ITGA9: variants seen among roughly 807,000 people sequenced by gnomAD.
ITGA9 encodes integrin subunit alpha 9.
A neutral mutation model predicts 127.8 loss-of-function variants in ITGA9; 56 were observed. The ratio of observed to expected loss-of-function variants is 0.44; its 90% CI spans 0.35 to 0.55. The LOEUF (loss-of-function observed/expected upper bound fraction) is 0.55, where lower values mean the gene tolerates loss of function less well. Among genes scored for constraint, ITGA9 ranks in the 20% least tolerant of loss-of-function variants. ITGA9 has a pLI of 0.00. For missense variants in ITGA9, 1,196 were observed against 1,347.1 expected, an observed-to-expected ratio of 0.89 and a Z score of 1.76; for synonymous variants, 508 against 514.5, an observed-to-expected ratio of 0.99 and a Z score of 0.17.
At chr3:37,687,353 G>C (rs913632910) in intron 18 of ITGA9, among the ~76,000 whole-genome samples, 6 of 152,020 alleles carry the variant, frequency 3.9e-5, no homozygotes, top group African/African-American at 1.5e-4. Context: ...GAGGCTCTGA[G>C]AATTCAGAGA....
At chr3:37,736,690 G>A (rs76052815) in intron 19 of ITGA9, among the ~76,000 whole-genome samples, 2,684 of 152,244 alleles carry the variant, frequency 0.018, 38 homozygotes, top group Non-Finnish European at 0.027. Context: ...CCTCGGTGGC[G>A]GAACAGGAGC....
chr3:37,606,764 C>T (rs995910149), intron 15 of ITGA9, among the ~76,000 whole-genome samples: 1 of 152,092 alleles, frequency 6.6e-6, no homozygotes, highest in African/African-American at 2.4e-5. Context: ...ATGACCACTA[C>T]TCCGAGCATG....
chr3:37,818,446 A>T, intron 27 of ITGA9: 1 of 178,508 alleles, frequency 5.6e-6, no homozygotes, highest in South Asian at 1.2e-4. Flanking sequence ...TATTTTTAGT[A>T]GAGACAGGGT....
At chr3:37,697,508 C>T (rs972831887) in intron 18 of ITGA9, among the ~76,000 whole-genome samples, 1 of 151,934 alleles carries the variant, frequency 6.6e-6, no homozygotes, top group African/African-American at 2.4e-5. Context: ...ACGACAGGCC[C>T]CCATGTGTGA....
At chr3:37,668,231 G>A (rs993376489) in intron 17 of ITGA9, among the ~76,000 whole-genome samples, 4 of 152,170 alleles carry the variant, frequency 2.6e-5, no homozygotes, top group African/African-American at 9.7e-5. Flanking sequence ...AGGCACTGAG[G>A]CAGTAACTGT....
At chr3:37,792,704 A>G (rs778630955) in intron 26 of ITGA9, among the ~76,000 whole-genome samples, 3 of 152,160 alleles carry the variant, frequency 2.0e-5, no homozygotes, top group Non-Finnish European at 4.4e-5. Flanking sequence ...GATCCAGTGT[A>G]TGTTCTTTAA....
intron 18 of ITGA9, among the ~76,000 whole-genome samples, chr3:37,701,776 A>G (rs1333033650): frequency 6.6e-6 from 1 of 152,202 alleles, no homozygotes; most frequent in Non-Finnish European, 1.5e-5. Flanking sequence ...CTGGCTTCTC[A>G]GTGACTCAGC....
intron 23 of ITGA9, among the ~76,000 whole-genome samples, chr3:37,761,083 C>G (rs1184986050): frequency 6.6e-6 from 1 of 152,082 alleles, no homozygotes; most frequent in East Asian, 1.9e-4. Flanking sequence ...CACTTGAGGC[C>G]AGGAGTTCAA....
At chr3:37,694,142 C>G (rs1700860318) in intron 18 of ITGA9, among the ~76,000 whole-genome samples, 1 of 152,220 alleles carries the variant, frequency 6.6e-6, no homozygotes, top group African/African-American at 2.4e-5. Flanking sequence ...TGGCTGGAAG[C>G]CCACTCGAGG....
At chr3:37,521,491 G>A (rs1458498330) in intron 11 of ITGA9, among the ~76,000 whole-genome samples, 13 of 152,212 alleles carry the variant, frequency 8.5e-5, no homozygotes, top group Admixed American at 8.5e-4. Flanking sequence ...CGGCCCCTAT[G>A]ATCCTTCTCT....
intron 13 of ITGA9, among the ~76,000 whole-genome samples, chr3:37,528,773 A>C (rs1699119771): frequency 6.6e-6 from 1 of 152,206 alleles, no homozygotes; most frequent in Non-Finnish European, 1.5e-5. Flanking sequence ...ATTAAGGTAG[A>C]ATTTGCATGC....
At chr3:37,488,515 G>T (rs967956302) in intron 4 of ITGA9, among the ~76,000 whole-genome samples, 2 of 152,056 alleles carry the variant, frequency 1.3e-5, no homozygotes, top group African/African-American at 4.8e-5. Flanking sequence ...AAAAATTATT[G>T]GCCAGGCGTG....
chr3:37,743,219 G>A (rs192483394), intron 21 of ITGA9, among the ~76,000 whole-genome samples: 91 of 152,272 alleles, frequency 6.0e-4, no homozygotes, highest in Non-Finnish European at 1.3e-4. Context: ...TTGTCTATTC[G>A]GACTTAGTCT....
chr3:37,637,340 G>T (rs1700289922), intron 16 of ITGA9, among the ~76,000 whole-genome samples: 1 of 152,110 alleles, frequency 6.6e-6, no homozygotes, highest in South Asian at 2.1e-4. Flanking sequence ...CCTTGAGGAG[G>T]TCCTTCACAT....
At chr3:37,559,746 T>A (rs1226220141) in intron 15 of ITGA9, among the ~76,000 whole-genome samples, 1 of 152,180 alleles carries the variant, frequency 6.6e-6, no homozygotes, top group Admixed American at 6.5e-5. Context: ...ACGGAGCCAT[T>A]ACCTTGTGTT....
At chr3:37,471,273 G>A (rs1365923813) in intron 2 of ITGA9, 139 bp downstream of exon 2, 6 of 983,516 alleles carry the variant, frequency 6.1e-6, no homozygotes, top group Middle Eastern at 2.3e-4. Context: ...CAACAAGCAT[G>A]TATTGAGTAC....
At chr3:37,678,484 A>G (rs1700704046) in intron 17 of ITGA9, among the ~76,000 whole-genome samples, 1 of 152,232 alleles carries the variant, frequency 6.6e-6, no homozygotes, top group South Asian at 2.1e-4. Flanking sequence ...CTATACTATT[A>G]TCCTAGTCAT....
intron 24 of ITGA9, among the ~76,000 whole-genome samples, chr3:37,778,871 GGTTT>G (rs1461765179): frequency 7.7e-5 from 8 of 104,496 alleles, no homozygotes; most frequent in African/African-American, 3.1e-4. Flanking sequence ...TGAAAGGTTG[GGTTT>G]TTTTTTTTTT....
At chr3:37,653,332 A>C (rs1700446442) in intron 16 of ITGA9, among the ~76,000 whole-genome samples, 1 of 152,168 alleles carries the variant, frequency 6.6e-6, no homozygotes, top group Non-Finnish European at 1.5e-5. Flanking sequence ...ACCAAACTAT[A>C]ATCTGAGAGT....
Sources: gnomAD v4.1 joint callset for allele counts (sites outside exome capture counted in the v4.1 genomes callset) on GRCh38, gnomAD v4.1.1 for gene constraint, MANE v1.5 for transcripts, NCBI Gene and HGNC (gene_info 2026-07-23, HGNC 2026-07-21) for gene names.